Variants in ATP9A observed in about 807,000 individuals in gnomAD.
ATP9A encodes probable phospholipid-transporting ATPase IIA.
Under a neutral mutation model 144.1 loss-of-function variants are expected in ATP9A, and 52 were observed. The observed-to-expected ratio is 0.36, with a 90% CI of 0.29 to 0.45. The LOEUF (loss-of-function observed/expected upper bound fraction) is 0.45. Ranked by LOEUF, ATP9A falls within the 20% of genes least tolerant of loss-of-function variation. ATP9A has a pLI of 1.00. For missense variants in ATP9A, 947 were observed against 1,392.7 expected (o/e 0.68, Z 5.09); for synonymous variants, 582 against 557.4 (o/e 1.04, Z -0.62).
chr20:51,664,160 A>ACC (rs1447072957), intron 13 of ATP9A, among the ~76,000 whole-genome samples: 4 of 151,560 alleles, frequency 2.6e-5, no homozygotes, highest in Non-Finnish European at 5.9e-5. Flanking sequence ...GATTACAGGC[A>ACC]TGAGCTACCA....
At chr20:51,653,724 T>G (rs961145573) in intron 14 of ATP9A, among the ~76,000 whole-genome samples, 1 of 151,138 alleles carries the variant, frequency 6.6e-6, no homozygotes, top group African/African-American at 2.4e-5. Context: ...AAGGTGGAGG[T>G]TGCAGTGAGC....
chr20:51,650,819 C>G (rs918036889), intron 14 of ATP9A, among the ~76,000 whole-genome samples: 9 of 151,888 alleles, frequency 5.9e-5, no homozygotes, highest in Admixed American at 5.9e-4. Flanking sequence ...TGAAATACAG[C>G]AAGCAGCTTT....
At chr20:51,675,235 G>T (rs941628277) in intron 10 of ATP9A, among the ~76,000 whole-genome samples, 1 of 152,144 alleles carries the variant, frequency 6.6e-6, no homozygotes, top group South Asian at 2.1e-4. Flanking sequence ...TTAAACAAAC[G>T]ATTTTATAGT....
intron 13 of ATP9A, among the ~76,000 whole-genome samples, chr20:51,662,632 T>C (rs2077415594): frequency 6.6e-6 from 1 of 151,756 alleles, no homozygotes; most frequent in Non-Finnish European, 1.5e-5. Context: ...GCTATGTGAG[T>C]TCCTCACTTG....
chr20:51,685,966 C>G (rs1414619298), intron 9 of ATP9A, among the ~76,000 whole-genome samples: 1 of 152,132 alleles, frequency 6.6e-6, no homozygotes, highest in Non-Finnish European at 1.5e-5. Flanking sequence ...GGAACCAACC[C>G]AAATGTCCAT....
At chr20:51,719,388 A>T (rs959302181) in intron 3 of ATP9A, among the ~76,000 whole-genome samples, 32 of 150,110 alleles carry the variant, frequency 2.1e-4, no homozygotes, top group African/African-American at 7.8e-4. Context: ...AAAAAATACT[A>T]AAAATTTTTA....
chr20:51,672,762 A>G (rs930674876), intron 11 of ATP9A, among the ~76,000 whole-genome samples: 1 of 152,196 alleles, frequency 6.6e-6, no homozygotes, highest in Non-Finnish European at 1.5e-5. Context: ...ATGGGGAAAA[A>G]GTAGAAGCAA....
chr20:51,694,986 A>G (rs938035433), intron 6 of ATP9A, among the ~76,000 whole-genome samples: 2 of 152,184 alleles, frequency 1.3e-5, no homozygotes, highest in Non-Finnish European at 1.5e-5. Context: ...AGGCTGTTTT[A>G]ATCTAGTGCC....
At chr20:51,614,198 A>G (rs1338774255) in intron 22 of ATP9A, among the ~76,000 whole-genome samples, 3 of 152,238 alleles carry the variant, frequency 2.0e-5, no homozygotes, top group Non-Finnish European at 2.9e-5. Flanking sequence ...GCTACTAACA[A>G]TATTAGATAG....
At chr20:51,702,795 T>C (rs1043083253) in intron 4 of ATP9A, among the ~76,000 whole-genome samples, 7 of 152,104 alleles carry the variant, frequency 4.6e-5, no homozygotes, top group Non-Finnish European at 5.9e-5. Context: ...AAGAACAAGA[T>C]ACGGAGAAGT....
intron 1 of ATP9A, among the ~76,000 whole-genome samples, chr20:51,740,821 C>T (rs1343093393): frequency 6.6e-6 from 1 of 151,772 alleles, no homozygotes; most frequent in African/African-American, 2.4e-5. Flanking sequence ...GCAATCCTCC[C>T]AGTTCAGCCT....
chr20:51,671,988 T>C (rs575205603), intron 11 of ATP9A, among the ~76,000 whole-genome samples: 4 of 151,988 alleles, frequency 2.6e-5, no homozygotes, highest in African/African-American at 9.6e-5. Context: ...TTAGTAGAGA[T>C]GGGGTTTCAC....
intron 14 of ATP9A, among the ~76,000 whole-genome samples, chr20:51,639,785 C>G (rs994222311): frequency 7.2e-5 from 11 of 152,214 alleles, no homozygotes; most frequent in African/African-American, 2.6e-4. Context: ...AGAGATGGCA[C>G]AGAATTAAGA....
chr20:51,652,651 C>T (rs2077371124), intron 14 of ATP9A, among the ~76,000 whole-genome samples: 1 of 152,172 alleles, frequency 6.6e-6, no homozygotes, highest in Non-Finnish European at 1.5e-5. Flanking sequence ...CAGTAGGCGG[C>T]CTCTGAAGTA....
At chr20:51,635,899 G>C (rs1189471761) in intron 15 of ATP9A, among the ~76,000 whole-genome samples, 1 of 148,792 alleles carries the variant, frequency 6.7e-6, no homozygotes, top group African/African-American at 2.5e-5. Flanking sequence ...GGAGGGGAGA[G>C]GACAGGAGGA....
At chr20:51,744,523 T>C (rs891195053) in intron 1 of ATP9A, among the ~76,000 whole-genome samples, 1 of 152,132 alleles carries the variant, frequency 6.6e-6, no homozygotes, top group African/African-American at 2.4e-5. Context: ...TTAAGACAAA[T>C]AAAGGTTTTA....
intron 1 of ATP9A, among the ~76,000 whole-genome samples, chr20:51,739,547 G>T (rs967489470): frequency 6.6e-6 from 1 of 151,730 alleles, no homozygotes; most frequent in African/African-American, 2.4e-5. Flanking sequence ...GCAGAGACAG[G>T]GTTTCACCTT....
intron 1 of ATP9A, among the ~76,000 whole-genome samples, chr20:51,768,019 C>G (rs1362485717): frequency 6.6e-6 from 1 of 152,156 alleles, no homozygotes; most frequent in Admixed American, 6.5e-5. Flanking sequence ...AGTGTGTAAA[C>G]AGCACTGGGG....
intron 1 of ATP9A, among the ~76,000 whole-genome samples, chr20:51,742,493 C>T (rs2077789283): frequency 1.3e-5 from 2 of 152,092 alleles, no homozygotes; most frequent in African/African-American, 4.8e-5. Context: ...GAAGCCTACC[C>T]TGCTGTTGCT....
Sources: allele counts gnomAD v4.1 joint callset (sites outside exome capture counted in the v4.1 genomes callset), GRCh38; gene constraint gnomAD v4.1.1; transcripts MANE v1.5; gene names NCBI Gene and HGNC (gene_info 2026-07-23, HGNC 2026-07-21).